HEXB: variants seen among roughly 807,000 people sequenced by gnomAD.
HEXB encodes hexosaminidase subunit beta.
Under a neutral mutation model 71.2 loss-of-function variants are expected in HEXB, and 51 were observed. The ratio of observed to expected loss-of-function variants is 0.72; its 90% CI spans 0.57 to 0.90. HEXB has a LOEUF of 0.90. Among genes scored for constraint, HEXB ranks in the 40% least tolerant of loss-of-function variants. The pLI is 0.00. For missense variants in HEXB, 617 were observed against 677.0 expected, an observed-to-expected ratio of 0.91 and a Z score of 0.98; for synonymous variants, 266 against 249.3, an observed-to-expected ratio of 1.07 and a Z score of -0.63.
At chr5:74,717,639 T>C (rs1204002411) in intron 9 of HEXB, among the ~76,000 whole-genome samples, 1 of 151,820 alleles carries the variant, frequency 6.6e-6, no homozygotes, top group Non-Finnish European at 1.5e-5. Context: ...AATTTTTTTT[T>C]AACTTAAAAA....
chr5:74,695,328 C>T (rs935742877), intron 3 of HEXB, among the ~76,000 whole-genome samples: 6 of 149,834 alleles, frequency 4.0e-5, no homozygotes, highest in East Asian at 2.1e-4. Flanking sequence ...CTCAGCCTCC[C>T]GAGTAGCTGG....
chr5:74,663,162 T>C (rs1300246584), intron 1 of HEXB, among the ~76,000 whole-genome samples: 1 of 150,378 alleles, frequency 6.6e-6, no homozygotes, highest in Non-Finnish European at 1.5e-5. Context: ...ATTACAAAGA[T>C]GACCTCTTTC....
chr5:74,709,367 A>G (rs1208496027), intron 6 of HEXB, among the ~76,000 whole-genome samples: 1 of 152,106 alleles, frequency 6.6e-6, no homozygotes, highest in Admixed American at 6.5e-5. Flanking sequence ...ACACCCTAAC[A>G]TCACAATTAA....
chr5:74,647,050 G>A (rs1297666321), intron 1 of HEXB, among the ~76,000 whole-genome samples: 2 of 152,232 alleles, frequency 1.3e-5, no homozygotes, highest in African/African-American at 4.8e-5. Flanking sequence ...AGCTTGGAGA[G>A]TGTGCTTGGT....
intron 5 of HEXB, among the ~76,000 whole-genome samples, chr5:74,703,522 C>A (rs185919920): frequency 5.3e-4 from 81 of 152,290 alleles, no homozygotes; most frequent in African/African-American, 1.9e-3. Flanking sequence ...TGCTTGTAGA[C>A]CCTCTGAGCA....
intron 2 of HEXB, 39 bp from the exon 3 acceptor site, chr5:74,693,600 T>G: frequency 7.2e-7 from 1 of 1,397,886 alleles, no homozygotes; most frequent in Non-Finnish European, 1.0e-6. Context: ...ATTGAGGGAT[T>G]AACAAAAGTG....
intron 1 of HEXB, among the ~76,000 whole-genome samples, chr5:74,663,720 G>C (rs1413014803): frequency 1.3e-5 from 2 of 152,186 alleles, no homozygotes; most frequent in South Asian, 4.1e-4. Flanking sequence ...ATTACATATA[G>C]ATCAAGGGGA....
chr5:74,641,314 G>C lies in HEXB; in HGVS notation c.-377+756G>C, dbSNP rs143515336. 3.9e-5 allele frequency: 6 copies of C among 152,492 alleles called. No homozygotes were observed. Among genetic ancestry groups the C allele is most frequent in the African/African-American group, 1.4e-4 (6 of 41,584 alleles). The allele number at this position is 152,492 out of a possible 1,614,324, so 9.4% of individuals were successfully genotyped here. On this transcript the variant is annotated intron_variant, in intron 1 of 13. Transcript: ENST00000511181. This position sits in a 1 kb window ranked among gnomAD's most constrained non-coding sequence, Gnocchi z 4.1. ...GGGACACTCGGGTTGAGCAAGCCAG[G>C]ACGTTTAAGTTTCTTGCTGGCAGAG...
intron 1 of HEXB, among the ~76,000 whole-genome samples, chr5:74,658,371 T>A (rs138429923): frequency 5.3e-5 from 8 of 152,368 alleles, no homozygotes; most frequent in Admixed American, 2.6e-4. Context: ...GAATTTCGCC[T>A]TGCCCAAAGA....
chr5:74,680,001 C>A lies in HEXB; in HGVS notation c.-376-9327C>A, dbSNP rs535253177. ...CTAAATATTTTAACAGTATGACTGACAAACCCTCTCAAACAATAGAGCGTA... is the reference window on the plus strand; with the variant it reads ...CTAAATATTTTAACAGTATGACTGAAAAACCCTCTCAAACAATAGAGCGTA... On this transcript the variant is annotated intron_variant, in intron 1 of 13. Transcript: ENST00000511181. Among the ~76,000 whole-genome samples the A allele has an allele frequency of 3.3e-5, 5 of 152,202 alleles. No individual in the cohort carries two copies. In the East Asian group the frequency reaches 5.8e-4, roughly 18 times the overall value.
At chr5:74,689,155 T>A (rs1413463088) in intron 1 of HEXB, among the ~76,000 whole-genome samples, 173 bp from the exon 2 acceptor site, 1 of 152,186 alleles carries the variant, frequency 6.6e-6, no homozygotes, top group Non-Finnish European at 1.5e-5. Flanking sequence ...ACGTTGGGAT[T>A]TTCAAAAAAC....
At chr5:74,704,493 A>G (rs1157149091) in intron 5 of HEXB, among the ~76,000 whole-genome samples, 2 of 152,134 alleles carry the variant, frequency 1.3e-5, no homozygotes, top group Non-Finnish European at 2.9e-5. Context: ...AATTGTATTG[A>G]GTTTGCAATG....
At chr5:74,642,066 C>T (rs760946996) in intron 1 of HEXB, among the ~76,000 whole-genome samples, 12 of 152,172 alleles carry the variant, frequency 7.9e-5, no homozygotes, top group African/African-American at 2.4e-4. Flanking sequence ...CTAAGGAGGC[C>T]CCACATGGCG....
At chr5:74,675,971 C>G (rs1263703431) in intron 1 of HEXB, among the ~76,000 whole-genome samples, 1 of 152,060 alleles carries the variant, frequency 6.6e-6, no homozygotes, top group African/African-American at 2.4e-5. Flanking sequence ...TGTGAAAGAC[C>G]TAGGTAGAGT....
At chr5:74,667,911 C>G (rs762106536) in intron 1 of HEXB, among the ~76,000 whole-genome samples, 4 of 152,180 alleles carry the variant, frequency 2.6e-5, no homozygotes, top group Non-Finnish European at 4.4e-5. Context: ...CACCCCATCA[C>G]ACTGTCTATA....
chr5:74,693,625 A>T lies in HEXB; in HGVS notation c.446-14A>T, dbSNP rs765373681. The T allele has an allele frequency of 6.3e-7, 1 of 1,591,396 alleles. No homozygotes were observed. Among genetic ancestry groups the T allele is most frequent in the South Asian group, 1.1e-5 (1 of 90,646 alleles). ...TAACAAAAGTGTGTGTGTGATTTTA[A>T]ATCCTCAATACAGATACTTTACTTG... On this transcript the variant is annotated splice_polypyrimidine_tract_variant and intron_variant, in intron 2 of 13. Transcript: ENST00000261416.
In HEXB at chr5:74,693,689, T is replaced by C. The variant is rs1278264277; in HGVS notation, c.496T>C (p.Trp166Arg). The change falls in exon 3 of 14, where the codon TGG becomes CGG. Residue 166 changes from tryptophan to arginine, a missense_variant. Coordinates refer to ENST00000261416, the MANE Select transcript of HEXB (RefSeq NM_000521.4). ...GGCTGTCCTTAAGGCCAACAGAGTT[T>C]GGGGAGCATTACGAGGTAAGTTCCA... ...PVAVLKANRVWGALRGLETFS... is the reference protein window; with the variant it reads ...PVAVLKANRVRGALRGLETFS... 7 of 1,612,612 alleles carry C rather than the reference T, an allele frequency of 4.3e-6. No homozygotes were observed. Among genetic ancestry groups the C allele is most frequent in the Non-Finnish European group, 5.9e-6 (7 of 1,178,594 alleles).
At chr5:74,710,466 G>T (rs2112165744) in intron 6 of HEXB, among the ~76,000 whole-genome samples, 1 of 152,234 alleles carries the variant, frequency 6.6e-6, no homozygotes, top group African/African-American at 2.4e-5. Context: ...GGAAATAAAA[G>T]GTATTCAATT....
chr5:74,665,434 GTGT>G (rs1255306330), intron 1 of HEXB, among the ~76,000 whole-genome samples: 1 of 152,100 alleles, frequency 6.6e-6, no homozygotes, highest in Non-Finnish European at 1.5e-5. Flanking sequence ...GTGTGTGTGT[GTGT>G]AGGAGGAGGA....
Sources: gnomAD v4.1 joint callset for allele counts (sites outside exome capture counted in the v4.1 genomes callset) on GRCh38, gnomAD v4.1.1 for gene constraint, Gnocchi (gnomAD v3.1) non-coding constraint, MANE v1.5 for transcripts, NCBI Gene and HGNC (gene_info 2026-07-23, HGNC 2026-07-21) for gene names.